The following GRIK1 variants were observed in gnomAD, a reference collection of about 807,000 sequenced individuals.
GRIK1 encodes glutamate receptor ionotropic, kainate 1.
In GRIK1, 69 loss-of-function variants were observed where a neutral mutation model predicts 105.7. The observed-to-expected ratio is 0.65, with a 90% CI of 0.54 to 0.80. The LOEUF (loss-of-function observed/expected upper bound fraction) is 0.80, where lower values mean the gene tolerates loss of function less well. Ranked by LOEUF, GRIK1 falls within the 30% of genes least tolerant of loss-of-function variation. GRIK1 has a pLI of 0.00. For missense variants in GRIK1, 1,109 were observed against 1,167.3 expected, an observed-to-expected ratio of 0.95 and a Z score of 0.73; for synonymous variants, 438 against 431.3, an observed-to-expected ratio of 1.02 and a Z score of -0.19.
At chr21:29,689,595 C>T in intron 3 of GRIK1, 133 bp downstream of exon 3, 1 of 745,882 alleles carries the variant, frequency 1.3e-6, no homozygotes, top group Admixed American at 2.2e-5. Flanking sequence ...TAAATTACTT[C>T]AGAATATTCA....
chr21:29,583,760 T>C (rs2091071859), intron 12 of GRIK1, among the ~76,000 whole-genome samples: 1 of 152,152 alleles, frequency 6.6e-6, no homozygotes, highest in African/African-American at 2.4e-5. Flanking sequence ...AACAGTGACA[T>C]GATGCTGTGC....
chr21:29,830,303 C>T (rs989821114), intron 1 of GRIK1, among the ~76,000 whole-genome samples: 9 of 131,662 alleles, frequency 6.8e-5, no homozygotes, highest in Middle Eastern at 3.5e-3. Flanking sequence ...ACCCACCCAC[C>T]TCCCCACACA....
At chr21:29,643,145 A>G (rs773270363) in intron 6 of GRIK1, among the ~76,000 whole-genome samples, 176 bp from the exon 7 acceptor site, 15 of 152,114 alleles carry the variant, frequency 9.9e-5, no homozygotes, top group Non-Finnish European at 1.9e-4. Flanking sequence ...ATAATACCTC[A>G]CACTTTGGAG....
intron 1 of GRIK1, among the ~76,000 whole-genome samples, chr21:29,926,584 T>C (rs2071378896): frequency 6.6e-6 from 1 of 152,102 alleles, no homozygotes; most frequent in Non-Finnish European, 1.5e-5. Flanking sequence ...TTAAAGGCTC[T>C]GCCTCGTGTT....
intron 1 of GRIK1, among the ~76,000 whole-genome samples, chr21:29,785,339 G>A (rs1048344494): frequency 6.6e-6 from 1 of 152,070 alleles, no homozygotes; most frequent in African/African-American, 2.4e-5. Context: ...GAGGCGGGTG[G>A]TTCACCTGAG....
intron 1 of GRIK1, among the ~76,000 whole-genome samples, chr21:29,826,966 C>A (rs1307480766): frequency 1.3e-5 from 2 of 152,050 alleles, no homozygotes; most frequent in African/African-American, 4.8e-5. Context: ...TCTCATGGGA[C>A]CACATGCGTT....
intron 1 of GRIK1, among the ~76,000 whole-genome samples, chr21:29,880,834 T>C (rs1187177529): frequency 1.3e-5 from 2 of 152,132 alleles, no homozygotes; most frequent in African/African-American, 2.4e-5. Flanking sequence ...CATGGGTTTA[T>C]GACTACAGCA....
intron 3 of GRIK1, 24 bp downstream of exon 3, chr21:29,689,704 T>C: frequency 6.2e-7 from 1 of 1,608,964 alleles, no homozygotes; most frequent in Non-Finnish European, 8.5e-7. Context: ...CATGGTCGGG[T>C]GAGGTCTTGT....
intron 3 of GRIK1, among the ~76,000 whole-genome samples, chr21:29,674,679 A>G (rs1056474380): frequency 6.6e-6 from 1 of 152,124 alleles, no homozygotes; most frequent in Non-Finnish European, 1.5e-5. Context: ...TCTTCTGCCA[A>G]CATGTATGAC....
chr21:29,854,224 G>T (rs141953708), intron 1 of GRIK1, among the ~76,000 whole-genome samples: 2 of 152,210 alleles, frequency 1.3e-5, no homozygotes, highest in South Asian at 2.1e-4. Context: ...AGCGAGTGGG[G>T]CTGCGCTGTT....
chr21:29,620,022 T>C (rs923209244), intron 7 of GRIK1, among the ~76,000 whole-genome samples: 2 of 152,354 alleles, frequency 1.3e-5, no homozygotes, highest in African/African-American at 4.8e-5. Context: ...TTCCATTAAG[T>C]GCAGTGATTG....
chr21:29,575,138 TATTA>T (rs1468812578), intron 14 of GRIK1, among the ~76,000 whole-genome samples: 2 of 152,226 alleles, frequency 1.3e-5, no homozygotes, highest in African/African-American at 4.8e-5. Context: ...CCTTTTTATT[TATTA>T]TTGTTATTAA....
chr21:29,698,854 G>T (rs1362348524), intron 1 of GRIK1, among the ~76,000 whole-genome samples: 1 of 152,194 alleles, frequency 6.6e-6, no homozygotes, highest in Non-Finnish European at 1.5e-5. Flanking sequence ...TGTCTTATGT[G>T]AATATTTGTG....
chr21:29,855,598 T>C (rs1247600544), intron 1 of GRIK1, among the ~76,000 whole-genome samples: 4 of 152,202 alleles, frequency 2.6e-5, no homozygotes, highest in Admixed American at 2.0e-4. Flanking sequence ...TATTTGTATG[T>C]AATGAGCAGC....
intron 3 of GRIK1, among the ~76,000 whole-genome samples, chr21:29,674,966 C>T (rs1205771593): frequency 2.0e-5 from 3 of 152,160 alleles, no homozygotes. Flanking sequence ...CTTGTCTTCT[C>T]ACTTCCACAG....
chr21:29,609,727 T>A lies in GRIK1; in HGVS notation c.1099-10790A>T, dbSNP rs75404594. ...CTGGGAGTTATACCATCAGCTCCCC[T>A]GGTTCTTAGATCTTCGGACTCAGAC... On this transcript the variant is annotated intron_variant, in intron 7 of 17. Coordinates refer to ENST00000327783, the MANE Select transcript of GRIK1 (RefSeq NM_001330994.2). 6.5e-3 allele frequency among the ~76,000 whole-genome samples: 991 copies of A among 152,304 alleles called. 13 individuals carry two copies. Among genetic ancestry groups the A allele is most frequent in the East Asian group, 0.036 (187 of 5,182 alleles).
At chr21:29,575,686 G>A (rs1206422689) in intron 14 of GRIK1, among the ~76,000 whole-genome samples, 1 of 152,006 alleles carries the variant, frequency 6.6e-6, no homozygotes, top group African/African-American at 2.4e-5. Context: ...ACAAAAATTA[G>A]CCAGGTGTGG....
intron 7 of GRIK1, among the ~76,000 whole-genome samples, chr21:29,616,309 T>C (rs1321912129): frequency 1.3e-5 from 2 of 152,204 alleles, no homozygotes; most frequent in Admixed American, 6.5e-5. Flanking sequence ...CAAATACGTT[T>C]AGATTTAAAA....
chr21:29,783,897 C>T (rs2066189844), intron 1 of GRIK1, among the ~76,000 whole-genome samples: 1 of 152,110 alleles, frequency 6.6e-6, no homozygotes, highest in South Asian at 2.1e-4. Flanking sequence ...TATCAATCAG[C>T]CCTATGAACA....
Sources: gnomAD v4.1 joint callset for allele counts (sites outside exome capture counted in the v4.1 genomes callset) on GRCh38, gnomAD v4.1.1 for gene constraint, MANE v1.5 for transcripts, NCBI Gene and HGNC (gene_info 2026-07-23, HGNC 2026-07-21) for gene names.